Variants in AKT1 observed in about 807,000 individuals in gnomAD.
AKT1 encodes the protein RAC-alpha serine/threonine-protein kinase.
A neutral mutation model predicts 63.1 loss-of-function variants in AKT1; 21 were observed. That is an observed-to-expected ratio of 0.33 (90% CI 0.24 to 0.48). The LOEUF is 0.48. AKT1 is among the 20% of genes least tolerant of loss of function. The probability of loss-of-function intolerance (pLI) is 0.99; values close to 1 mark genes in which losing one functional copy is unlikely to be tolerated. For missense variants in AKT1, 382 were observed against 666.0 expected, an observed-to-expected ratio of 0.57 and a Z score of 4.69; for synonymous variants, 257 against 253.1, an observed-to-expected ratio of 1.02 and a Z score of -0.15.
At chr14:104,772,807 C>A in intron 12 of AKT1, 71 bp downstream of exon 12, 1 of 1,496,464 alleles carries the variant, frequency 6.7e-7, no homozygotes, top group East Asian at 2.4e-5. Flanking sequence ...GACCGCCTGG[C>A]GCAGGGGCAG....
chr14:104,787,860 C>G (rs1893417000), intron 3 of AKT1, among the ~76,000 whole-genome samples: 1 of 152,230 alleles, frequency 6.6e-6, no homozygotes, highest in South Asian at 2.1e-4. Flanking sequence ...GCAGTGACCC[C>G]TCACCCCCAC....
intron 1 of AKT1, chr14:104,794,565 T>G (rs1034140266): frequency 1.4e-4 from 5 of 35,546 alleles, no homozygotes; most frequent in Non-Finnish European, 5.0e-4. Flanking sequence ...AAAAAAATAC[T>G]CTGTTTTCGA....
At chr14:104,792,801 C>T in intron 2 of AKT1, 79 bp from the exon 3 acceptor site, 2 of 863,352 alleles carry the variant, frequency 2.3e-6, no homozygotes, top group East Asian at 5.1e-5. Flanking sequence ...GCCAGAGACC[C>T]ACTGCACGTG....
Position 104,780,070 on chromosome 14 carries a change from G to A in AKT1, c.175+18C>T, listed in dbSNP as rs3730358. ...AACCCCCCAAATCTGAATCCCGAGA[G>A]GCCAAGGGGATACTTACGCGCCACA... On this transcript the variant is annotated intron_variant, in intron 4 of 14. Transcript: ENST00000649815. The A allele has an allele frequency of 0.15, 248,536 of 1,610,612 alleles. 19,933 individuals are homozygous for A. The highest frequency in any genetic ancestry group is 0.22 in the Admixed American group (13,195 of 59,728).
intron 4 of AKT1, chr14:104,777,350 A>G (rs1892784312): frequency 1.8e-5 from 4 of 224,556 alleles, no homozygotes; most frequent in East Asian, 1.7e-4. Flanking sequence ...CATCTGGGGC[A>G]CACACACACT....
chr14:104,782,955 T>C (rs1893139246), intron 3 of AKT1, among the ~76,000 whole-genome samples: 1 of 152,006 alleles, frequency 6.6e-6, no homozygotes, highest in African/African-American at 2.4e-5. Flanking sequence ...GACAGGATGC[T>C]GGGTGGGCGG....
intron 3 of AKT1, among the ~76,000 whole-genome samples, chr14:104,784,725 C>T (rs1401963045): frequency 2.0e-5 from 3 of 152,150 alleles, no homozygotes; most frequent in African/African-American, 7.2e-5. Flanking sequence ...ACGCCTCACA[C>T]ACGTGTCCCA....
chr14:104,777,617 A>ACGTG (rs1892805093), intron 4 of AKT1: 7 of 992,992 alleles, frequency 7.0e-6, no homozygotes, highest in Middle Eastern at 5.1e-4. Flanking sequence ...GGCTGTGGGA[A>ACGTG]CGTGCGGGGC....
intron 3 of AKT1, among the ~76,000 whole-genome samples, chr14:104,782,696 C>T (rs1473637305): frequency 2.6e-5 from 4 of 152,188 alleles, no homozygotes; most frequent in Non-Finnish European, 4.4e-5. Flanking sequence ...GAACAGACGG[C>T]GATCAGGGCC....
chr14:104,777,252 CCACACCTGGGGCACAGG>C (rs1305149682), intron 4 of AKT1: 56 of 202,760 alleles, frequency 2.8e-4, no homozygotes, highest in Middle Eastern at 2.0e-3. Context: ...TGGGGCACAC[CCACACCTGGGGCACAGG>C]CACACCTGGG....
chr14:104,785,536 A>C (rs1211995684), intron 3 of AKT1, among the ~76,000 whole-genome samples: 1 of 152,118 alleles, frequency 6.6e-6, no homozygotes, highest in African/African-American at 2.4e-5. Context: ...GGCCTCGCCC[A>C]GCCCAGGACC....
chr14:104,770,930 G>A (rs1892349619), intron 13 of AKT1, 83 bp from the exon 14 acceptor site: 3 of 1,266,538 alleles, frequency 2.4e-6, no homozygotes, highest in Non-Finnish European at 3.4e-6. Context: ...GACCTTCAAA[G>A]CACCTGGATC....
At chr14:104,774,116 C>A (rs942420272) in intron 8 of AKT1, 136 bp from the exon 9 acceptor site, 10 of 775,472 alleles carry the variant, frequency 1.3e-5, no homozygotes, top group African/African-American at 1.7e-5. Flanking sequence ...CACTGCCCGA[C>A]ACCACGCTGC....
chr14:104,776,480 C>T (rs1892721086), intron 5 of AKT1, 179 bp downstream of exon 5: 3 of 551,778 alleles, frequency 5.4e-6, no homozygotes, highest in Middle Eastern at 4.3e-4. Flanking sequence ...CTCAGTTTCC[C>T]CACCCAAACC....
At chr14:104,777,395 T>A in intron 4 of AKT1, 2 of 242,044 alleles carry the variant, frequency 8.3e-6, no homozygotes, top group Non-Finnish European at 1.2e-5. Flanking sequence ...CACGCACACC[T>A]GAGGCACACA....
chr14:104,776,556 G>C lies in AKT1; in HGVS notation c.287+103C>G, dbSNP rs978338926. The C allele has an allele frequency of 3.1e-6, 3 of 983,174 alleles. No homozygotes were observed. In the African/African-American group the frequency reaches 4.9e-5, roughly 16 times the overall value. 60.9% of individuals were successfully genotyped at this position (983,174 alleles called of 1,614,324 possible). A position where few individuals can be genotyped will look rare whatever the true frequency, so the allele number is the denominator to read the frequency against. On this transcript the variant is annotated intron_variant, in intron 5 of 14. Coordinates refer to ENST00000649815, the MANE Select transcript of AKT1 (RefSeq NM_001382430.1). ...GGAGGGCCTGGGAGCACTGGGGAGT[G>C]AGGATGGCTACAGGCAGAGGTGCCA...
intron 13 of AKT1, 128 bp from the exon 14 acceptor site, chr14:104,770,975 A>G: frequency 1.3e-6 from 1 of 783,460 alleles, no homozygotes; most frequent in Non-Finnish European, 2.1e-6. Flanking sequence ...GATGTCAGAG[A>G]GCAGCAAGCC....
chr14:104,775,933 A>G, intron 5 of AKT1, 134 bp from the exon 6 acceptor site: 1 of 1,065,934 alleles, frequency 9.4e-7, no homozygotes, highest in African/African-American at 1.6e-5. Context: ...TGAGGAGGCC[A>G]CCACTTGACC....
rs370283352 is a variant in AKT1, at chr14:104,782,080, C to T, written c.47-1864G>A. Among the ~76,000 whole-genome samples the T allele has an allele frequency of 8.6e-4, 131 of 152,074 alleles. 4 individuals carry two copies. In the South Asian group the frequency reaches 0.026, roughly 30 times the overall value. On this transcript the variant is annotated intron_variant, in intron 3 of 14. Coordinates refer to ENST00000649815, the MANE Select transcript of AKT1 (RefSeq NM_001382430.1). ...CCACGCAGCTCCACCCCGCCTCCCA[C>T]GTCCCCTCCCCCAGCCACAGGGCCC...
Sources: gnomAD v4.1 joint callset for allele counts (sites outside exome capture counted in the v4.1 genomes callset) on GRCh38, gnomAD v4.1.1 for gene constraint, MANE v1.5 for transcripts, NCBI Gene and HGNC (gene_info 2026-07-23, HGNC 2026-07-21) for gene names.